CCNY: variants seen among roughly 807,000 people sequenced by gnomAD.
CCNY encodes the protein cyclin-Y.
In CCNY, 19 loss-of-function variants were observed where a neutral mutation model predicts 42.8. The ratio of observed to expected loss-of-function variants is 0.44; its 90% CI spans 0.31 to 0.65. The LOEUF (loss-of-function observed/expected upper bound fraction) is 0.65. CCNY is among the 30% of genes least tolerant of loss of function. CCNY has a pLI of 0.07. For missense variants in CCNY, 370 were observed against 437.3 expected (o/e 0.85, Z 1.37); for synonymous variants, 165 against 162.7 (o/e 1.01, Z -0.11).
At chr10:35,554,857 CAA>C (rs1281888870) in intron 8 of CCNY, among the ~76,000 whole-genome samples, 5 of 152,118 alleles carry the variant, frequency 3.3e-5, no homozygotes, top group East Asian at 1.9e-4. Flanking sequence ...AGCATGAAAA[CAA>C]AAGAGAACAG....
rs139143749 is a variant in CCNY, at chr10:35,530,234, C to T, written c.570C>T (p.Ile190=). 1.3e-3 allele frequency: 2,048 copies of T among 1,614,160 alleles called. 1 individual carries two copies. Among genetic ancestry groups the T allele is most frequent in the Non-Finnish European group, 1.5e-3 (1,779 of 1,180,018 alleles). The change falls in exon 7 of 10, where the codon ATC becomes ATT. Residue 190 remains isoleucine, a synonymous_variant. Coordinates refer to ENST00000374704, the MANE Select transcript of CCNY (RefSeq NM_145012.6). The surrounding 1 kb of genome is among the most constrained non-coding windows in gnomAD (Gnocchi z 4.3). ...CTCAGCTGACGGCTGAATGTGCCAT[C>T]GTCACCCTGGTGAGTGCCCTCAGGA... ...SAAQLTAECA[I]VTLVYLERLL... is the part of the protein sequence containing the mutation.
At position 35,371,403 on chromosome 10, in the gene CCNY, T is replaced by G. The variant is rs138185164; in HGVS notation, c.154+34196T>G. Among the ~76,000 whole-genome samples the G allele has an allele frequency of 1.6e-3, 242 of 152,290 alleles. No homozygotes were observed. The Middle Eastern group carries it at 0.024, about 15-fold the overall frequency. On this transcript the variant is annotated intron_variant, in intron 1 of 9. Coordinates refer to ENST00000374704, the MANE Select transcript of CCNY (RefSeq NM_145012.6). ...TCTTCCTTGCCTTTATCTCTTTGCT[T>G]TTAGGTCCATCTTTCACAATCCTTC...
chr10:35,568,235 C>T (rs974958490), intron 9 of CCNY, among the ~76,000 whole-genome samples: 3 of 152,168 alleles, frequency 2.0e-5, no homozygotes, highest in African/African-American at 4.8e-5. Context: ...CTCCGAGTGC[C>T]GAGAAGGGAG....
intron 1 of CCNY, among the ~76,000 whole-genome samples, chr10:35,407,364 G>A (rs908043244): frequency 6.6e-6 from 1 of 152,032 alleles, no homozygotes; most frequent in Non-Finnish European, 1.5e-5. Context: ...AGAAAAGGAA[G>A]ATTCAAAAGA....
intron 1 of CCNY, among the ~76,000 whole-genome samples, chr10:35,473,600 G>A (rs540866801): frequency 6.6e-6 from 1 of 152,252 alleles, no homozygotes; most frequent in Non-Finnish European, 1.5e-5. Flanking sequence ...TGAACAATTA[G>A]TGTTTAGATT....
At chr10:35,525,441 G>T (rs1005609148) in intron 4 of CCNY, among the ~76,000 whole-genome samples, 1 of 152,148 alleles carries the variant, frequency 6.6e-6, no homozygotes, top group Non-Finnish European at 1.5e-5. Context: ...TGTTAAGGTA[G>T]TGCTACAAAT....
intron 1 of CCNY, among the ~76,000 whole-genome samples, chr10:35,435,572 C>A (rs947986318): frequency 1.3e-5 from 2 of 152,216 alleles, no homozygotes; most frequent in African/African-American, 2.4e-5. Context: ...TTGTACAATA[C>A]AATGCTTAAC....
intron 1 of CCNY, among the ~76,000 whole-genome samples, chr10:35,441,188 C>T (rs1838659738): frequency 1.3e-5 from 2 of 152,172 alleles, no homozygotes; most frequent in South Asian, 4.1e-4. Flanking sequence ...TGAATACCGC[C>T]TTGTTTTACC....
chr10:35,542,563 A>G (rs555674882), intron 7 of CCNY, among the ~76,000 whole-genome samples: 1 of 152,288 alleles, frequency 6.6e-6, no homozygotes, highest in Non-Finnish European at 1.5e-5. Context: ...TGCTTGTTAC[A>G]TCAGCCTGTC....
intron 1 of CCNY, among the ~76,000 whole-genome samples, chr10:35,418,887 C>A (rs954493178): frequency 6.6e-6 from 1 of 151,686 alleles, no homozygotes; most frequent in Admixed American, 6.6e-5. Context: ...GTGGCGCTAT[C>A]TCTGCTCACT....
chr10:35,435,913 T>C (rs1838522044), intron 1 of CCNY, among the ~76,000 whole-genome samples: 3 of 152,138 alleles, frequency 2.0e-5, no homozygotes, highest in Non-Finnish European at 4.4e-5. Flanking sequence ...GTAGTGACGA[T>C]GGATAGTGCC....
intron 1 of CCNY, among the ~76,000 whole-genome samples, chr10:35,420,196 A>G (rs1001314694): frequency 2.0e-5 from 3 of 152,216 alleles, no homozygotes; most frequent in South Asian, 2.1e-4. Flanking sequence ...AATCTGGATC[A>G]TGGTGCATCC....
chr10:35,561,221 C>A (rs1420408103), intron 8 of CCNY, among the ~76,000 whole-genome samples: 1 of 152,236 alleles, frequency 6.6e-6, no homozygotes, highest in East Asian at 1.9e-4. Flanking sequence ...TTTTCATCCC[C>A]AAGTGGGAAA....
intron 1 of CCNY, among the ~76,000 whole-genome samples, chr10:35,405,698 C>T (rs1184620309): frequency 6.6e-6 from 1 of 152,068 alleles, no homozygotes; most frequent in Admixed American, 6.6e-5. Context: ...GACGGATTTA[C>T]CCTCCACTGT....
At chr10:35,345,728 C>T (rs1836288287) in intron 1 of CCNY, among the ~76,000 whole-genome samples, 1 of 152,188 alleles carries the variant, frequency 6.6e-6, no homozygotes, top group Non-Finnish European at 1.5e-5. Context: ...GGCTTCAAGG[C>T]AGTCCCAGAG....
chr10:35,308,498 G>A (rs952520184), intron 3 of CCNY, among the ~76,000 whole-genome samples: 27 of 152,302 alleles, frequency 1.8e-4, no homozygotes, highest in African/African-American at 4.8e-4. Context: ...GCTGCAGTGA[G>A]TTATGATCCT....
chr10:35,408,912 G>C (rs1837842538), intron 1 of CCNY, among the ~76,000 whole-genome samples: 1 of 150,006 alleles, frequency 6.7e-6, no homozygotes, highest in Non-Finnish European at 1.5e-5. Flanking sequence ...CCTCTACTTT[G>C]TTCTTTCCTC....
At chr10:35,321,114 T>TAA (rs57608664) in intron 3 of CCNY, 4 of 121,890 alleles carry the variant, frequency 3.3e-5, no homozygotes, top group Non-Finnish European at 3.4e-5. Context: ...AGGCTTTGTC[T>TAA]AAAAAAAAAA....
intron 3 of CCNY, among the ~76,000 whole-genome samples, chr10:35,259,495 GTTTTTTT>G (rs35988898): frequency 1.1e-3 from 72 of 65,156 alleles, no homozygotes; most frequent in African/African-American, 4.7e-3. Flanking sequence ...AGTCCTGGTT[GTTTTTTT>G]TTTTTTTTTT....
Sources: allele counts gnomAD v4.1 joint callset (sites outside exome capture counted in the v4.1 genomes callset), GRCh38; gene constraint gnomAD v4.1.1; non-coding constraint Gnocchi (gnomAD v3.1); transcripts MANE v1.5; gene names NCBI Gene and HGNC (gene_info 2026-07-23, HGNC 2026-07-21).